Variants in NRG1 observed in about 807,000 individuals in gnomAD.
NRG1 encodes the protein neuregulin 1.
NRG1 carries 18 observed loss-of-function variants against 63.8 expected under a neutral mutation model. The observed-to-expected ratio is 0.28, with a 90% CI of 0.19 to 0.42. The LOEUF (loss-of-function observed/expected upper bound fraction) is 0.42, where lower values mean the gene tolerates loss of function less well. Ranked by LOEUF, NRG1 falls within the 10% of genes least tolerant of loss-of-function variation. The pLI, the probability that NRG1 is intolerant of heterozygous loss-of-function variation, is 1.00. For missense variants in NRG1, 762 were observed against 814.7 expected, an observed-to-expected ratio of 0.94 and a Z score of 0.79; for synonymous variants, 302 against 301.3, an observed-to-expected ratio of 1.00 and a Z score of -0.02.
At chr8:32,480,765 G>C (rs1202342103) in intron 1 of NRG1, among the ~76,000 whole-genome samples, 1 of 152,136 alleles carries the variant, frequency 6.6e-6, no homozygotes, top group Non-Finnish European at 1.5e-5. Context: ...GTGAGAGGGA[G>C]CAAGAGTTGA....
chr8:32,180,191 C>T (rs1053891727), intron 1 of NRG1, among the ~76,000 whole-genome samples: 1 of 152,160 alleles, frequency 6.6e-6, no homozygotes, highest in Non-Finnish European at 1.5e-5. Flanking sequence ...CTGCAATTCT[C>T]CCTAAAACAA....
chr8:32,754,497 T>G, intron 8 of NRG1, 23 bp downstream of exon 8: 1 of 1,606,292 alleles, frequency 6.2e-7, no homozygotes, highest in Non-Finnish European at 8.5e-7. Context: ...TCTCCATGCC[T>G]TTCTCTCTCC....
chr8:31,786,119 G>T (rs530458107), intron 1 of NRG1, among the ~76,000 whole-genome samples: 1 of 152,266 alleles, frequency 6.6e-6, no homozygotes, highest in East Asian at 1.9e-4. Flanking sequence ...TGGAGGTTTG[G>T]GGTTGAGGTA....
rs572562006 is a variant in NRG1 at position 32,001,435 on chromosome 8, T to TG, written c.37+362006dup. Among the ~76,000 whole-genome samples the TG allele has an allele frequency of 2.4e-4, 36 of 152,178 alleles. 1 individual carries two copies. In the South Asian group the frequency reaches 6.8e-3, roughly 29 times the overall value. On this transcript the variant is annotated intron_variant, in intron 1 of 10. Transcript: ENST00000519301. ...TGATTGTGAGGCCTCCAGAGCCATG[T>TG]GGAACTGTGAGTCTATTAGACCTCT...
chr8:32,719,237 T>C (rs1252137815), intron 5 of NRG1, among the ~76,000 whole-genome samples: 4 of 152,106 alleles, frequency 2.6e-5, no homozygotes, highest in Non-Finnish European at 5.9e-5. Context: ...TTTGCATTTT[T>C]AAATTTTAAA....
chr8:31,785,921 T>A (rs1182974564), intron 1 of NRG1, among the ~76,000 whole-genome samples: 1 of 152,208 alleles, frequency 6.6e-6, no homozygotes, highest in Non-Finnish European at 1.5e-5. Context: ...ATTTAAAACA[T>A]CCTTTAGAAC....
intron 1 of NRG1, among the ~76,000 whole-genome samples, chr8:32,010,235 C>A (rs555888648): frequency 3.3e-5 from 5 of 152,104 alleles, no homozygotes; most frequent in African/African-American, 1.2e-4. Flanking sequence ...AAACAAATAT[C>A]CTCATAGGGT....
intron 1 of NRG1, among the ~76,000 whole-genome samples, chr8:32,585,475 T>A (rs1231015904): frequency 6.6e-6 from 1 of 152,166 alleles, no homozygotes; most frequent in African/African-American, 2.4e-5. Context: ...TGCTCCAGCA[T>A]TCATTGTCAC....
At chr8:32,026,674 CTTAG>C (rs565557202) in intron 1 of NRG1, among the ~76,000 whole-genome samples, 7 of 152,238 alleles carry the variant, frequency 4.6e-5, no homozygotes, top group African/African-American at 1.7e-4. Context: ...AATAGCTTAA[CTTAG>C]TTAGGTCTAG....
At chr8:31,773,936 A>G (rs979717154) in intron 1 of NRG1, among the ~76,000 whole-genome samples, 1 of 152,034 alleles carries the variant, frequency 6.6e-6, no homozygotes, top group Admixed American at 6.5e-5. Flanking sequence ...TTGAGGACAG[A>G]TTCTGTGTTT....
At chr8:32,021,552 G>C (rs961557465) in intron 1 of NRG1, among the ~76,000 whole-genome samples, 3 of 152,072 alleles carry the variant, frequency 2.0e-5, no homozygotes, top group Admixed American at 2.0e-4. Context: ...CCACACTGGG[G>C]ATCAAATTTC....
chr8:32,455,023 G>T (rs775491163), intron 1 of NRG1, among the ~76,000 whole-genome samples: 1 of 152,144 alleles, frequency 6.6e-6, no homozygotes, highest in Non-Finnish European at 1.5e-5. Flanking sequence ...GCCTAGGAAC[G>T]ATAGGTTATA....
At chr8:32,403,747 G>A (rs766018919) in intron 1 of NRG1, among the ~76,000 whole-genome samples, 3 of 152,168 alleles carry the variant, frequency 2.0e-5, no homozygotes, top group Non-Finnish European at 4.4e-5. Context: ...TAGAGAGTGA[G>A]AGTTCATTGA....
At chr8:31,727,621 A>G (rs770203467) in intron 1 of NRG1, among the ~76,000 whole-genome samples, 21 of 152,134 alleles carry the variant, frequency 1.4e-4, no homozygotes, top group Non-Finnish European at 2.2e-4. Context: ...ATTACACTAT[A>G]TATTTTCCTC....
At chr8:32,463,235 T>C (rs938063967) in intron 1 of NRG1, among the ~76,000 whole-genome samples, 2 of 152,182 alleles carry the variant, frequency 1.3e-5, no homozygotes, top group African/African-American at 2.4e-5. Flanking sequence ...ATCTTGGCTA[T>C]TGTGAATAAT....
chr8:32,562,272 A>C (rs969270677), intron 1 of NRG1, among the ~76,000 whole-genome samples: 1 of 151,994 alleles, frequency 6.6e-6, no homozygotes, highest in African/African-American at 2.4e-5. Flanking sequence ...ATTTTGAGAC[A>C]GGTCTCGTTT....
At chr8:32,033,841 C>G (rs1229000996) in intron 1 of NRG1, among the ~76,000 whole-genome samples, 2 of 152,142 alleles carry the variant, frequency 1.3e-5, no homozygotes, top group African/African-American at 4.8e-5. Flanking sequence ...GCTTAAGAAG[C>G]TTTTGAGCTG....
chr8:31,758,930 T>C (rs1222437121), intron 1 of NRG1, among the ~76,000 whole-genome samples: 2 of 152,162 alleles, frequency 1.3e-5, no homozygotes, highest in Non-Finnish European at 2.9e-5. Flanking sequence ...TTTAATGTCA[T>C]TTACCTTTTT....
At chr8:31,832,609 T>C (rs1339230655) in intron 1 of NRG1, among the ~76,000 whole-genome samples, 1 of 152,174 alleles carries the variant, frequency 6.6e-6, no homozygotes, top group Non-Finnish European at 1.5e-5. Flanking sequence ...TTAGGGTCTT[T>C]CTTAGGTTCT....
Sources: allele counts gnomAD v4.1 joint callset (sites outside exome capture counted in the v4.1 genomes callset), GRCh38; gene constraint gnomAD v4.1.1; transcripts MANE v1.5; gene names NCBI Gene and HGNC (gene_info 2026-07-23, HGNC 2026-07-21).